The following HDAC9 variants were observed in gnomAD, a reference collection of about 807,000 sequenced individuals.
HDAC9 encodes MEF-2 interacting transcription repressor (MITR) protein.
In HDAC9, 41 loss-of-function variants were observed where a neutral mutation model predicts 139.4. The ratio of observed to expected loss-of-function variants is 0.29; its 90% confidence interval spans 0.23 to 0.38. HDAC9 has a LOEUF of 0.38. HDAC9 is among the 10% of genes least tolerant of loss of function. The pLI, the probability that HDAC9 is intolerant of heterozygous loss-of-function variation, is 1.00. For missense variants in HDAC9, 1,147 were observed against 1,297.0 expected (o/e 0.88, Z 1.78); for synonymous variants, 517 against 476.2 (o/e 1.09, Z -1.12).
At chr7:18,901,582 T>C (rs564890393) in intron 22 of HDAC9, among the ~76,000 whole-genome samples, 13 of 152,266 alleles carry the variant, frequency 8.5e-5, no homozygotes, top group African/African-American at 2.9e-4. Flanking sequence ...TCTATGATTA[T>C]GGAGAGTGAC....
chr7:18,748,002 T>TA (rs1452272016), intron 13 of HDAC9, among the ~76,000 whole-genome samples: 3 of 152,358 alleles, frequency 2.0e-5, no homozygotes, highest in African/African-American at 4.8e-5. Context: ...TTATAATGGG[T>TA]GTTCTCCCCA....
At chr7:18,381,561 A>G (rs1274999993) in intron 1 of HDAC9, among the ~76,000 whole-genome samples, 4 of 152,116 alleles carry the variant, frequency 2.6e-5, no homozygotes, top group Admixed American at 6.5e-5. Flanking sequence ...AATGTATGGC[A>G]TAGGACAAAA....
chr7:18,178,809 G>T (rs17138728), intron 2 of HDAC9, among the ~76,000 whole-genome samples: 1 of 152,084 alleles, frequency 6.6e-6, no homozygotes, highest in South Asian at 2.1e-4. Flanking sequence ...AGGACCTTCA[G>T]TAAAATACAT....
intron 1 of HDAC9, among the ~76,000 whole-genome samples, chr7:18,469,378 TA>T (rs1423464795): frequency 3.9e-5 from 6 of 152,208 alleles, no homozygotes; most frequent in Non-Finnish European, 1.5e-5. Context: ...CAAAAAGCAG[TA>T]TTAAATGTCA....
intron 12 of HDAC9, among the ~76,000 whole-genome samples, chr7:18,722,929 T>A (rs1785247151): frequency 6.6e-6 from 1 of 152,184 alleles, no homozygotes; most frequent in South Asian, 2.1e-4. Context: ...TTAAATAACA[T>A]TTACCATTTT....
intron 17 of HDAC9, among the ~76,000 whole-genome samples, chr7:18,814,142 G>A (rs190493313): frequency 1.6e-3 from 237 of 152,076 alleles, no homozygotes; most frequent in African/African-American, 5.2e-3. Context: ...ATCACTCCCC[G>A]CTCTAAACCT....
intron 21 of HDAC9, among the ~76,000 whole-genome samples, chr7:18,854,772 A>G (rs973269307): frequency 6.6e-6 from 1 of 151,910 alleles, no homozygotes; most frequent in Admixed American, 6.6e-5. Context: ...CTACAGCAAG[A>G]AAAAAAACAA....
intron 1 of HDAC9, among the ~76,000 whole-genome samples, chr7:18,326,916 C>T (rs1800494615): frequency 6.6e-6 from 1 of 151,912 alleles, no homozygotes; most frequent in Non-Finnish European, 1.5e-5. Flanking sequence ...AAACATGAAC[C>T]TTTCCCCTGA....
At position 18,463,253 on chromosome 7, in the gene HDAC9, T is replaced by C. The variant is rs148542924; in HGVS notation, c.-41-33009T>C. On this transcript the variant is annotated intron_variant, in intron 1 of 3. Transcript: ENST00000413509. Reference sequence around the variant, plus strand: ...TCTTATTAGAGTTGGCGCCAAGATATACCCACATAATGAGTTATTCAGTAT... The same window carrying C: ...TCTTATTAGAGTTGGCGCCAAGATACACCCACATAATGAGTTATTCAGTAT... 3.8e-3 allele frequency among the ~76,000 whole-genome samples: 577 copies of C among 152,124 alleles called. 4 individuals are homozygous for C. Among genetic ancestry groups the C allele is most frequent in the African/African-American group, 0.013 (554 of 41,568 alleles).
chr7:18,174,381 C>T (rs922923068), intron 2 of HDAC9, among the ~76,000 whole-genome samples: 45 of 152,242 alleles, frequency 3.0e-4, no homozygotes, highest in African/African-American at 8.9e-4. Context: ...AGCTTCCTTG[C>T]GATGGGTTCG....
chr7:18,597,853 A>G (rs1022550948), intron 6 of HDAC9, among the ~76,000 whole-genome samples: 5 of 152,158 alleles, frequency 3.3e-5, no homozygotes, highest in African/African-American at 1.2e-4. Context: ...GGCTGATAAG[A>G]GACTTTTCCA....
At chr7:18,621,807 A>G (rs1487548189) in intron 6 of HDAC9, among the ~76,000 whole-genome samples, 1 of 152,212 alleles carries the variant, frequency 6.6e-6, no homozygotes, top group Non-Finnish European at 1.5e-5. Flanking sequence ...TTTTGAAAAT[A>G]TGTACCTTTT....
intron 22 of HDAC9, among the ~76,000 whole-genome samples, chr7:18,920,707 T>C (rs967884704): frequency 6.6e-6 from 1 of 152,056 alleles, no homozygotes; most frequent in Non-Finnish European, 1.5e-5. Flanking sequence ...GCATGAAGCG[T>C]TGTTGAATTT....
chr7:18,374,926 T>G (rs986243389), intron 1 of HDAC9, among the ~76,000 whole-genome samples: 3 of 152,088 alleles, frequency 2.0e-5, no homozygotes, highest in Non-Finnish European at 4.4e-5. Flanking sequence ...TCCTCACGTG[T>G]TTTTTGGTGA....
intron 1 of HDAC9, among the ~76,000 whole-genome samples, chr7:18,345,797 A>C (rs1231548286): frequency 1.3e-5 from 2 of 151,732 alleles, no homozygotes; most frequent in South Asian, 2.1e-4. Flanking sequence ...CTATACCTTC[A>C]TTCAGCATTT....
At chr7:18,876,550 T>C (rs994484829) in intron 22 of HDAC9, among the ~76,000 whole-genome samples, 2 of 152,216 alleles carry the variant, frequency 1.3e-5, no homozygotes, top group Non-Finnish European at 1.5e-5. Context: ...ACATATCTTA[T>C]AGATGAGGAA....
At chr7:18,611,809 G>A (rs1419618394) in intron 6 of HDAC9, among the ~76,000 whole-genome samples, 2 of 152,098 alleles carry the variant, frequency 1.3e-5, no homozygotes, top group African/African-American at 2.4e-5. Flanking sequence ...AATCTTTTTA[G>A]AAATAGCATA....
intron 12 of HDAC9, among the ~76,000 whole-genome samples, chr7:18,716,533 G>A (rs1460294288): frequency 7.4e-6 from 1 of 134,356 alleles, no homozygotes. Flanking sequence ...CATTTCTAAA[G>A]CAACTAGTTT....
At chr7:18,792,034 C>G (rs983029046) in intron 16 of HDAC9, among the ~76,000 whole-genome samples, 5 of 152,056 alleles carry the variant, frequency 3.3e-5, no homozygotes, top group African/African-American at 1.2e-4. Context: ...TACTATACTG[C>G]TGTTTATAGG....
Sources: gnomAD v4.1 joint callset for allele counts (sites outside exome capture counted in the v4.1 genomes callset) on GRCh38, gnomAD v4.1.1 for gene constraint, MANE v1.5 for transcripts, NCBI Gene and HGNC (gene_info 2026-07-23, HGNC 2026-07-21) for gene names.